Variants in TRPM1 observed in about 807,000 individuals in gnomAD.
TRPM1 encodes transient receptor potential cation channel subfamily M member 1.
Under a neutral mutation model 149.4 loss-of-function variants are expected in TRPM1, and 113 were observed. That is an observed-to-expected ratio of 0.76 (90% CI 0.65 to 0.88). The LOEUF is 0.88. Among genes scored for constraint, TRPM1 ranks in the 40% least tolerant of loss-of-function variants. TRPM1 has a pLI of 0.00. For synonymous variants in TRPM1, 741 were observed against 759.5 expected, an observed-to-expected ratio of 0.98 and a Z score of 0.40; for missense variants, 1,976 against 2,038.7, an observed-to-expected ratio of 0.97 and a Z score of 0.59.
At chr15:31,045,683 A>T (rs1212286611) in intron 16 of TRPM1, among the ~76,000 whole-genome samples, 1 of 152,226 alleles carries the variant, frequency 6.6e-6, no homozygotes, top group Non-Finnish European at 1.5e-5. Flanking sequence ...TATTTTAATC[A>T]TTCCAAGAAA....
At chr15:31,061,616 A>C (rs1380569277) in intron 9 of TRPM1, 102 bp from the exon 10 acceptor site, 1 of 942,802 alleles carries the variant, frequency 1.1e-6, no homozygotes, top group African/African-American at 1.6e-5. Context: ...TAATAAAATG[A>C]TCCTGAGCAC....
chr15:31,104,846 G>GTCTCA (rs2035580370), upstream of TRPM1, among the ~76,000 whole-genome samples: 1 of 151,912 alleles, frequency 6.6e-6, no homozygotes, highest in Non-Finnish European at 1.5e-5. Context: ...CGCCCACCCT[G>GTCTCA]GCCTCCCAAA....
In TRPM1 at chr15:31,040,036, C is replaced by G; in HGVS notation, c.2316+82G>C. 1 of 1,229,984 alleles carries G rather than the reference C, an allele frequency of 8.1e-7. No individual in the cohort carries two copies. The highest frequency in any genetic ancestry group is 1.5e-5 in the African/African-American group (1 of 67,358). The allele number at this position is 1,229,984 out of a possible 1,614,324, so 76.2% of individuals were successfully genotyped here. Reference sequence around the variant, plus strand: ...TGCTAGAAGGAATAAATGAAATAAGCCACAGAAAGTGCTCAGTTCAGCCTG... The same window carrying G: ...TGCTAGAAGGAATAAATGAAATAAGGCACAGAAAGTGCTCAGTTCAGCCTG... On this transcript the variant is annotated intron_variant, in intron 18 of 27. Coordinates refer to ENST00000256552, the MANE Select transcript of TRPM1 (RefSeq NM_001252024.2). The surrounding 1 kb of genome is among the most constrained non-coding windows in gnomAD (Gnocchi z 4.2).
rs1174430189 is a variant in TRPM1 at position 31,041,956 on chromosome 15, A to G, written c.2082T>C (p.Asn694=). The G allele has an allele frequency of 2.2e-5, 35 of 1,613,960 alleles. No individual in the cohort carries two copies. Among genetic ancestry groups the G allele is most frequent in the Non-Finnish European group, 3.0e-5 (35 of 1,180,004 alleles). ...VDDISQDLDN[N]SKDFGQLALE... The stretch of plus-strand genomic sequence containing the variant: ...AATCCCCGCTAGACACTAACTTGGA[A>G]TTGTTATCCAAGTCCTGGGAGATGT... The change falls in exon 17 of 28, where the codon AAT becomes AAC. Residue 694 remains asparagine (N), a synonymous_variant. Transcript: ENST00000256552.
intron 18 of TRPM1, 87 bp from the exon 19 acceptor site, chr15:31,038,253 A>G (rs2033491526): frequency 6.9e-7 from 1 of 1,455,268 alleles, no homozygotes; most frequent in African/African-American, 1.4e-5. Flanking sequence ...ATGACCTTCA[A>G]CATTATTCAA....
chr15:31,050,638 CAGA>C, intron 11 of TRPM1, 56 bp from the exon 12 acceptor site: 2 of 1,600,284 alleles, frequency 1.2e-6, no homozygotes, highest in Non-Finnish European at 1.7e-6. Flanking sequence ...TTCTTGTCCC[CAGA>C]CCAGCTCATT....
intron 1 of TRPM1, among the ~76,000 whole-genome samples, chr15:31,119,212 G>C (rs945255977): frequency 6.6e-6 from 1 of 151,552 alleles, no homozygotes; most frequent in Non-Finnish European, 1.5e-5. Context: ...TCGCACTCCA[G>C]CCTGGGCAAC....
chr15:31,026,084 G>T (rs1028355747), intron 27 of TRPM1, 55 bp downstream of exon 27: 2 of 1,604,718 alleles, frequency 1.2e-6, no homozygotes, highest in African/African-American at 1.3e-5. Flanking sequence ...AGAGTGGGGC[G>T]CCCGAGTCAG....
chr15:31,046,074 A>G, intron 16 of TRPM1, 130 bp downstream of exon 16: 1 of 810,686 alleles, frequency 1.2e-6, no homozygotes, highest in Non-Finnish European at 2.1e-6. Context: ...TGGTCCTTTT[A>G]TATAATTTGA....
Position 31,026,965 on chromosome 15 carries a change from C to T in TRPM1, c.3446G>A (p.Arg1149His), listed in dbSNP as rs1339951481. The change falls in exon 26 of 28, where the codon CGC becomes CAC. Residue 1149 changes from arginine (R) to histidine (H), a missense_variant. Physicochemically the swap from Arg to His is conservative, Grantham distance 29 (BLOSUM62 0). Coordinates refer to ENST00000256552, the MANE Select transcript of TRPM1 (RefSeq NM_001252024.2). ...IYIIIMRLSG[R>H]CRKKREGDQE... Reference sequence around the variant, plus strand: ...GTCCCCTTCTCTCTTTTTCCTGCAGCGGCCGCTGAGACGCATAATGATGAT... The same window carrying T: ...GTCCCCTTCTCTCTTTTTCCTGCAGTGGCCGCTGAGACGCATAATGATGAT... 4.3e-6 allele frequency: 7 copies of T among 1,614,094 alleles called. No homozygotes were observed. Among genetic ancestry groups the T allele is most frequent in the Non-Finnish European group, 5.1e-6 (6 of 1,180,026 alleles).
At chr15:31,007,870 T>C (rs1172822295) in intron 27 of TRPM1, among the ~76,000 whole-genome samples, 3 of 152,244 alleles carry the variant, frequency 2.0e-5, no homozygotes, top group Non-Finnish European at 4.4e-5. Flanking sequence ...CAGCACTTTG[T>C]AGTTTTCTGC....
At chr15:31,038,673 C>A (rs1243402495) in intron 18 of TRPM1, among the ~76,000 whole-genome samples, 1 of 152,170 alleles carries the variant, frequency 6.6e-6, no homozygotes, top group Non-Finnish European at 1.5e-5. Context: ...GATCGCGCCA[C>A]TGCACTCCAG....
Position 31,149,709 on chromosome 15 carries a change from C to T in TRPM1, c.54+11197G>A, listed in dbSNP as rs542251243. Among the ~76,000 whole-genome samples, 71 of 152,138 alleles carry T rather than the reference C, an allele frequency of 4.7e-4. No individual in the cohort carries two copies. The East Asian group carries it at 8.9e-3, about 19-fold the overall frequency. ...TAATTTTTTGTATTTTTAGTAGAGA[C>T]GGGGTTTCACCGTGTTAGCCAGGAT... On this transcript the variant is annotated intron_variant, in intron 1 of 26. Coordinates refer to the TRPM1 transcript ENST00000542188.
rs1285018862 is a variant in TRPM1, at chr15:31,028,395, A to C, written c.3230T>G (p.Leu1077Arg). 6.2e-7 allele frequency: 1 copy of C among 1,613,980 alleles called. No individual in the cohort carries two copies. The highest frequency in any genetic ancestry group is 8.5e-7 in the Non-Finnish European group (1 of 1,180,014). ...CIPGAWLTPA[L>R]MACYLLVANI... ...GGCGACCAGTAGATAGCACGCCATG[A>C]GTGCTGGAGTGAGCCAGGCGCCGGG... The change falls in exon 25 of 28, where the codon CTC becomes CGC. Residue 1077 changes from leucine to arginine, a missense_variant. This residue lies in a region of TRPM1 where 72 missense variants were observed against 112.7 expected (regional missense o/e 0.64). Transcript: ENST00000256552.
chr15:31,026,540 A>G (rs1039578956), intron 26 of TRPM1, among the ~76,000 whole-genome samples: 1 of 152,206 alleles, frequency 6.6e-6, no homozygotes, highest in Non-Finnish European at 1.5e-5. Context: ...TTCCTGGAAA[A>G]CTTTTTGCAC....
chr15:31,071,079 C>G (rs976032426), intron 3 of TRPM1, among the ~76,000 whole-genome samples: 1 of 152,206 alleles, frequency 6.6e-6, no homozygotes, highest in African/African-American at 2.4e-5. Flanking sequence ...CTAGTCTTCT[C>G]TGAACATGTT....
intron 16 of TRPM1, among the ~76,000 whole-genome samples, chr15:31,043,252 G>A (rs1237327065): frequency 6.6e-6 from 1 of 152,174 alleles, no homozygotes; most frequent in Non-Finnish European, 1.5e-5. Context: ...GGAGTGCAGT[G>A]GCACCATCTC....
rs571142135 is a variant in TRPM1, at chr15:31,047,135, G to A, written c.1740C>T (p.Tyr580=). Residue 580 remains tyrosine (Y), a synonymous_variant, in exon 15 of 28, where the codon TAC becomes TAT. Coordinates refer to ENST00000256552, the MANE Select transcript of TRPM1 (RefSeq NM_001252024.2). ...NYTRKNFRTL[Y]NNLFGPKRPK... ...CCCTCTTTGGTCCAAACAAGTTGTT[G>A]TAAAGGGTCCGAAAGTTTTTCCGAG... 6.2e-7 allele frequency: 1 copy of A among 1,614,240 alleles called. No individual in the cohort carries two copies. Among genetic ancestry groups the A allele is most frequent in the Admixed American group, 1.7e-5 (1 of 60,028 alleles).
intron 1 of TRPM1, among the ~76,000 whole-genome samples, chr15:31,142,033 C>G (rs1815931610): frequency 6.6e-6 from 1 of 151,978 alleles, no homozygotes; most frequent in Admixed American, 6.5e-5. Flanking sequence ...CCAGCCCAGG[C>G]AATTTAGTGG....
Sources: gnomAD v4.1 joint callset for allele counts (sites outside exome capture counted in the v4.1 genomes callset) on GRCh38, gnomAD v4.1.1 for gene constraint, gnomAD v4.1.1 regional missense constraint, Gnocchi (gnomAD v3.1) non-coding constraint, MANE v1.5 for transcripts, NCBI Gene and HGNC (gene_info 2026-07-23, HGNC 2026-07-21) for gene names.